ANO4: variants seen among roughly 807,000 people sequenced by gnomAD.
ANO4 encodes the protein anoctamin 4, also known as anoctamin-4.
A neutral mutation model predicts 141.9 loss-of-function variants in ANO4; 69 were observed. The ratio of observed to expected loss-of-function variants is 0.49; its 90% CI spans 0.40 to 0.59. ANO4 has a LOEUF of 0.59. Ranked by LOEUF, ANO4 falls within the 20% of genes least tolerant of loss-of-function variation. ANO4 has a pLI of 0.00. For synonymous variants in ANO4, 350 were observed against 394.3 expected (o/e 0.89, Z 1.33); for missense variants, 894 against 1,162.2 (o/e 0.77, Z 3.36).
chr12:100,813,979 G>A (rs532347243), intron 1 of ANO4, among the ~76,000 whole-genome samples: 7 of 152,174 alleles, frequency 4.6e-5, no homozygotes, highest in African/African-American at 1.7e-4. Context: ...ATGTAATATG[G>A]CTCTCAATCA....
chr12:100,759,623 A>G (rs940754846), intron 3 of ANO4, among the ~76,000 whole-genome samples: 8 of 152,188 alleles, frequency 5.3e-5, no homozygotes, highest in African/African-American at 1.7e-4. Flanking sequence ...AGATACCTAC[A>G]TGCCAAGCCT....
intron 19 of ANO4, 52 bp from the exon 20 acceptor site, chr12:101,097,599 T>G: frequency 2.6e-6 from 4 of 1,544,154 alleles, no homozygotes; most frequent in Non-Finnish European, 3.6e-6. Flanking sequence ...TAATATTCGC[T>G]GAAAGCTTGG....
At chr12:100,775,274 T>C (rs2033460515) in intron 3 of ANO4, among the ~76,000 whole-genome samples, 1 of 152,208 alleles carries the variant, frequency 6.6e-6, no homozygotes, top group African/African-American at 2.4e-5. Context: ...GTGTACCTCC[T>C]TGAAAATACG....
intron 14 of ANO4, among the ~76,000 whole-genome samples, chr12:101,073,605 T>G (rs2048913651): frequency 1.2e-5 from 1 of 83,152 alleles, no homozygotes; most frequent in African/African-American, 4.8e-5. Flanking sequence ...TAAAAGAAAA[T>G]AATAGGGTGT....
intron 1 of ANO4, among the ~76,000 whole-genome samples, chr12:100,867,455 G>A (rs7972602): frequency 0.78 from 118,552 of 152,066 alleles, 46,551 homozygotes; most frequent in Admixed American, 0.85. Flanking sequence ...AAAGACAGTC[G>A]GGTGTAGAGA....
At chr12:100,910,373 A>G (rs1351164239) in intron 2 of ANO4, among the ~76,000 whole-genome samples, 1 of 152,162 alleles carries the variant, frequency 6.6e-6, no homozygotes, top group Non-Finnish European at 1.5e-5. Context: ...ATGGTCTCTC[A>G]TTATGCTGTA....
chr12:101,009,961 A>T (rs2046017837), intron 8 of ANO4, among the ~76,000 whole-genome samples: 1 of 151,814 alleles, frequency 6.6e-6, no homozygotes, highest in South Asian at 2.1e-4. Flanking sequence ...CCTTCACCCC[A>T]CTTCTTTAGG....
At chr12:100,770,988 A>G (rs560080351) in intron 3 of ANO4, among the ~76,000 whole-genome samples, 3 of 152,216 alleles carry the variant, frequency 2.0e-5, no homozygotes, top group African/African-American at 7.2e-5. Flanking sequence ...AATTTAACCT[A>G]TTGGTTTAAG....
At chr12:100,741,317 G>GA (rs1236232971) in intron 3 of ANO4, among the ~76,000 whole-genome samples, 1 of 152,172 alleles carries the variant, frequency 6.6e-6, no homozygotes, top group Non-Finnish European at 1.5e-5. Context: ...CTAGAGGTAA[G>GA]ATGCTGAGGT....
intron 7 of ANO4, among the ~76,000 whole-genome samples, chr12:100,981,694 C>T (rs2044470796): frequency 1.3e-5 from 2 of 152,152 alleles, no homozygotes; most frequent in African/African-American, 2.4e-5. Flanking sequence ...TACAGTCCCT[C>T]CTGGGTTGTT....
intron 5 of ANO4, among the ~76,000 whole-genome samples, chr12:100,946,670 G>A (rs888316867): frequency 1.3e-5 from 2 of 152,196 alleles, no homozygotes; most frequent in African/African-American, 2.4e-5. Flanking sequence ...TGTTGGGTAA[G>A]ATAGAAGAGT....
At chr12:100,799,341 T>C (rs1264521700) in intron 1 of ANO4, among the ~76,000 whole-genome samples, 1 of 152,168 alleles carries the variant, frequency 6.6e-6, no homozygotes, top group Non-Finnish European at 1.5e-5. Context: ...TGAGCATCAG[T>C]GTTACTCAGA....
chr12:101,070,567 A>C (rs1270834613), intron 14 of ANO4, among the ~76,000 whole-genome samples: 2 of 152,200 alleles, frequency 1.3e-5, no homozygotes, highest in African/African-American at 2.4e-5. Context: ...AAACTACTAA[A>C]AAAAAGCATT....
chr12:100,919,672 G>C (rs113218684), intron 2 of ANO4, among the ~76,000 whole-genome samples: 181 of 65,350 alleles, frequency 2.8e-3, no homozygotes, highest in African/African-American at 8.3e-3. Context: ...ACATGTCTCT[G>C]TGTGTGTGTG....
intron 15 of ANO4, 150 bp from the exon 16 acceptor site, chr12:101,083,528 T>G: frequency 1.1e-6 from 1 of 876,440 alleles, no homozygotes. Flanking sequence ...TTTTCAAACA[T>G]TTAAGCCTGG....
intron 3 of ANO4, among the ~76,000 whole-genome samples, chr12:100,759,542 G>T (rs1399955978): frequency 2.0e-5 from 3 of 152,164 alleles, no homozygotes; most frequent in South Asian, 2.1e-4. Context: ...AGCTAACTTG[G>T]TAAGACCCGA....
At chr12:101,047,312 G>A (rs1477702778) in intron 13 of ANO4, among the ~76,000 whole-genome samples, 3 of 152,140 alleles carry the variant, frequency 2.0e-5, no homozygotes, top group East Asian at 1.9e-4. Context: ...GTCAAATACC[G>A]CTAGAACCTT....
intron 22 of ANO4, among the ~76,000 whole-genome samples, chr12:101,103,598 T>C (rs2050296723): frequency 2.0e-5 from 3 of 151,856 alleles, no homozygotes; most frequent in Admixed American, 6.6e-5. Context: ...AATGCCCACT[T>C]GGGTCACCAT....
Position 101,104,393 on chromosome 12 carries a change from A to G in ANO4, c.2149+4673A>G, listed in dbSNP as rs1192499267. Reference sequence around the variant, plus strand: ...AATACTGCTTTGGCTGTATCCCACAAGTTTTTATATATTGATTTTATTAGC... The same window carrying G: ...AATACTGCTTTGGCTGTATCCCACAGGTTTTTATATATTGATTTTATTAGC... On this transcript the variant is annotated intron_variant, in intron 22 of 27. Coordinates refer to ENST00000392977, the MANE Select transcript of ANO4 (RefSeq NM_001286615.2). 2.0e-5 allele frequency among the ~76,000 whole-genome samples: 3 copies of G among 151,142 alleles called. No individual in the cohort carries two copies. In the East Asian group the frequency reaches 5.8e-4, roughly 29 times the overall value.
Sources: allele counts gnomAD v4.1 joint callset (sites outside exome capture counted in the v4.1 genomes callset), GRCh38; gene constraint gnomAD v4.1.1; transcripts MANE v1.5; gene names NCBI Gene and HGNC (gene_info 2026-07-23, HGNC 2026-07-21).